Variants in SPATA17 observed in about 807,000 individuals in gnomAD.
SPATA17 encodes spermatogenesis-associated protein 17.
In SPATA17, 53 loss-of-function variants were observed where a neutral mutation model predicts 62.2. The observed-to-expected ratio is 0.85, with a 90% CI of 0.68 to 1.07. The LOEUF (loss-of-function observed/expected upper bound fraction) is 1.07, where lower values mean the gene tolerates loss of function less well. SPATA17 is among the 50% of genes least tolerant of loss of function. The probability of loss-of-function intolerance (pLI) is 0.00; values close to 1 mark genes in which losing one functional copy is unlikely to be tolerated. For synonymous variants in SPATA17, 146 were observed against 146.8 expected (o/e 0.99, Z 0.04); for missense variants, 466 against 425.5 (o/e 1.10, Z -0.84).
chr1:217,856,149 C>T (rs1675781604), intron 9 of SPATA17, among the ~76,000 whole-genome samples: 1 of 152,140 alleles, frequency 6.6e-6, no homozygotes, highest in African/African-American at 2.4e-5. Flanking sequence ...AATGTGTATA[C>T]TAAAGTCAAA....
intron 9 of SPATA17, among the ~76,000 whole-genome samples, chr1:217,811,253 C>T (rs959270208): frequency 6.6e-6 from 1 of 152,072 alleles, no homozygotes; most frequent in African/African-American, 2.4e-5. Context: ...AGGCTGGTCT[C>T]GAACTCCTGG....
intron 5 of SPATA17, among the ~76,000 whole-genome samples, chr1:217,706,878 T>A (rs1335008627): frequency 6.6e-6 from 1 of 151,944 alleles, no homozygotes; most frequent in Non-Finnish European, 1.5e-5. Context: ...CTTTCTTTTT[T>A]TTTTTTGAGA....
At chr1:217,723,037 A>G (rs111629687) in intron 5 of SPATA17, among the ~76,000 whole-genome samples, 2 of 152,204 alleles carry the variant, frequency 1.3e-5, no homozygotes, top group African/African-American at 4.8e-5. Context: ...AGGCCCAGAG[A>G]ATCTTCCACA....
intron 9 of SPATA17, among the ~76,000 whole-genome samples, chr1:217,817,777 G>T (rs11579841): frequency 2.0e-5 from 3 of 151,952 alleles, no homozygotes; most frequent in Admixed American, 6.6e-5. Context: ...CTGATCTGCT[G>T]TTGGCCACAT....
intron 9 of SPATA17, among the ~76,000 whole-genome samples, chr1:217,834,797 A>C (rs752917443): frequency 7.2e-5 from 11 of 152,294 alleles, no homozygotes; most frequent in Non-Finnish European, 1.3e-4. Context: ...TTATATATGA[A>C]GTCTACGTTA....
Position 217,664,319 on chromosome 1 carries a change from G to A in SPATA17, c.241-4714G>A, listed in dbSNP as rs377245578. On this transcript the variant is annotated intron_variant, in intron 3 of 10. Coordinates refer to ENST00000366933, the MANE Select transcript of SPATA17 (RefSeq NM_138796.4). ...TTTTTTTTTTTTTTTTTGAGATGGA[G>A]TCTCACTCTGTTGCCCAGACTGGAG... is the stretch of plus-strand genomic sequence containing the variant. Among the ~76,000 whole-genome samples the A allele has an allele frequency of 5.2e-4, 66 of 126,726 alleles. 1 individual carries two copies. Among genetic ancestry groups the A allele is most frequent in the African/African-American group, 1.7e-3 (58 of 33,176 alleles). 83.1% of individuals were successfully genotyped at this position (126,726 alleles called of 152,430 possible).
At chr1:217,831,495 A>C (rs560746765) in intron 9 of SPATA17, among the ~76,000 whole-genome samples, 2 of 152,142 alleles carry the variant, frequency 1.3e-5, no homozygotes, top group Non-Finnish European at 2.9e-5. Context: ...CTCCTTCCTT[A>C]GGAATGCCTC....
chr1:217,660,112 C>T (rs1355814123), intron 3 of SPATA17, among the ~76,000 whole-genome samples: 2 of 152,168 alleles, frequency 1.3e-5, no homozygotes, highest in African/African-American at 4.8e-5. Context: ...GTTCCCTCTG[C>T]CTGGAATGCT....
At chr1:217,718,753 A>G (rs1207394636) in intron 5 of SPATA17, among the ~76,000 whole-genome samples, 1 of 152,226 alleles carries the variant, frequency 6.6e-6, no homozygotes, top group Non-Finnish European at 1.5e-5. Flanking sequence ...TTTAAAGAAT[A>G]AAATCCAAGC....
At chr1:217,779,909 C>T (rs1414745903) in intron 7 of SPATA17, among the ~76,000 whole-genome samples, 2 of 151,940 alleles carry the variant, frequency 1.3e-5, no homozygotes, top group Non-Finnish European at 2.9e-5. Flanking sequence ...TACAGCAGAA[C>T]ATAAATATAT....
intron 9 of SPATA17, among the ~76,000 whole-genome samples, chr1:217,840,718 G>C (rs899381288): frequency 5.3e-5 from 8 of 152,096 alleles, no homozygotes; most frequent in African/African-American, 1.9e-4. Flanking sequence ...AATTAGCTGA[G>C]TGTGGTGGGG....
intron 8 of SPATA17, among the ~76,000 whole-genome samples, chr1:217,798,783 A>G (rs6691269): frequency 0.024 from 3,585 of 149,024 alleles, 139 homozygotes; most frequent in African/African-American, 0.084. Context: ...ATCATAGAGA[A>G]GTTAAGTAAG....
chr1:217,703,590 C>G (rs1671653560), intron 5 of SPATA17, among the ~76,000 whole-genome samples: 1 of 152,230 alleles, frequency 6.6e-6, no homozygotes, highest in African/African-American at 2.4e-5. Flanking sequence ...TTTGTAATGT[C>G]ATGTTATTTT....
chr1:217,686,150 T>C (rs919502769), intron 5 of SPATA17, among the ~76,000 whole-genome samples: 5 of 152,106 alleles, frequency 3.3e-5, no homozygotes, highest in Non-Finnish European at 7.4e-5. Flanking sequence ...CAGATCCTAG[T>C]GTCAGATTTT....
chr1:217,741,669 T>A (rs1288922239), intron 5 of SPATA17, among the ~76,000 whole-genome samples: 1 of 152,184 alleles, frequency 6.6e-6, no homozygotes, highest in Non-Finnish European at 1.5e-5. Flanking sequence ...AAAAAGTTAA[T>A]CTTAAAGCAA....
intron 6 of SPATA17, among the ~76,000 whole-genome samples, chr1:217,755,552 C>A (rs1297390425): frequency 6.6e-6 from 1 of 151,928 alleles, no homozygotes; most frequent in Non-Finnish European, 1.5e-5. Flanking sequence ...TAAGGAAAAG[C>A]ATGCCTAATT....
intron 8 of SPATA17, among the ~76,000 whole-genome samples, chr1:217,796,372 TTAATAA>T (rs896443928): frequency 2.0e-5 from 3 of 151,742 alleles, no homozygotes; most frequent in Non-Finnish European, 2.9e-5. Context: ...TTTGAGATTG[TTAATAA>T]TAATAATAAT....
chr1:217,701,299 A>G (rs1361964242), intron 5 of SPATA17, among the ~76,000 whole-genome samples: 1 of 150,412 alleles, frequency 6.6e-6, no homozygotes, highest in Admixed American at 6.6e-5. Context: ...ATGTGTGTGT[A>G]TATGTGTGTG....
chr1:217,739,615 T>A (rs1187192605), intron 5 of SPATA17: 1 of 152,090 alleles, frequency 6.6e-6, no homozygotes, highest in African/African-American at 2.4e-5. Flanking sequence ...TTGTAGGGAA[T>A]CCTAGTTAGA....
Sources: allele counts gnomAD v4.1 joint callset (sites outside exome capture counted in the v4.1 genomes callset), GRCh38; gene constraint gnomAD v4.1.1; transcripts MANE v1.5; gene names NCBI Gene and HGNC (gene_info 2026-07-23, HGNC 2026-07-21).